Variants in ZNF560 observed in about 807,000 individuals in gnomAD.
ZNF560 encodes zinc finger protein 560.
Under a neutral mutation model 81.8 loss-of-function variants are expected in ZNF560, and 54 were observed. The observed-to-expected ratio is 0.66, with a 90% CI of 0.53 to 0.83. ZNF560 has a LOEUF of 0.83. ZNF560 is among the 40% of genes least tolerant of loss of function. ZNF560 has a pLI of 0.00. For synonymous variants in ZNF560, 321 were observed against 317.9 expected, an observed-to-expected ratio of 1.01 and a Z score of -0.10; for missense variants, 940 against 932.4, an observed-to-expected ratio of 1.01 and a Z score of -0.11.
chr19:9,464,869 A>T (rs1333398474), downstream of ZNF560, among the ~76,000 whole-genome samples: 1 of 152,188 alleles, frequency 6.6e-6, no homozygotes, highest in African/African-American at 2.4e-5. Context: ...CAGGTTTCAG[A>T]GAAGCAATCC....
At position 9,468,804 on chromosome 19, in the gene ZNF560, A is replaced by C. The variant is rs150431365; in HGVS notation, c.612+301T>G. 1.0e-3 allele frequency among the ~76,000 whole-genome samples: 152 copies of C among 145,098 alleles called. 3 individuals carry two copies. In the East Asian group the frequency reaches 0.029, roughly 27 times the overall value. On this transcript the variant is annotated intron_variant, in intron 9 of 9. Transcript: ENST00000301480. ...GTGTGCAGTGGCACGATCTCAGCTCACTGCAACCTCCACCTCCTGGGTTCA... is the reference window on the plus strand; with the variant it reads ...GTGTGCAGTGGCACGATCTCAGCTCCCTGCAACCTCCACCTCCTGGGTTCA...
chr19:9,460,214 T>C, the ZNF560 span, among the ~76,000 whole-genome samples: 92 of 152,270 alleles, frequency 6.0e-4, no homozygotes, highest in South Asian at 1.5e-3. Context: ...TCCAAGTTGA[T>C]GCTGAGGATG....
In ZNF560 at chr19:9,466,827, G is replaced by A. The variant is rs538535192; in HGVS notation, c.2120C>T (p.Thr707Ile). ...MCFHDRLKTL[T>I]KIKPYKCKDC... ...CTTACATTTATAGGGTTTTATTTTG[G>A]TGAGAGTTTTTAAGCGATCATGAAA... The change falls in exon 10 of 10, where the codon ACC becomes ATC. Residue 707 changes from threonine to isoleucine, a missense_variant. By Grantham distance (89) the Thr-to-Ile change is moderately conservative. Coordinates refer to ENST00000301480, the MANE Select transcript of ZNF560 (RefSeq NM_152476.3). 6.2e-7 allele frequency: 1 copy of A among 1,614,128 alleles called. No individual in the cohort carries two copies.
chr19:9,497,661 C>G (rs1474036913), intron 2 of ZNF560, among the ~76,000 whole-genome samples: 1 of 151,776 alleles, frequency 6.6e-6, no homozygotes, highest in African/African-American at 2.4e-5. Flanking sequence ...AAAACAGGTG[C>G]AGCTACAATG....
downstream of ZNF560, among the ~76,000 whole-genome samples, chr19:9,465,719 G>A (rs143883802): frequency 2.1e-3 from 317 of 152,280 alleles, no homozygotes; most frequent in African/African-American, 6.0e-3. Flanking sequence ...TTGGCCAGGC[G>A]CGATGGCTCA....
intron 2 of ZNF560, among the ~76,000 whole-genome samples, chr19:9,491,490 C>T (rs1007173256): frequency 6.6e-6 from 1 of 151,980 alleles, no homozygotes; most frequent in Non-Finnish European, 1.5e-5. Context: ...GGTGTCATTC[C>T]TAGTTAGTGC....
the ZNF560 span, among the ~76,000 whole-genome samples, chr19:9,460,856 T>C: frequency 1.3e-5 from 2 of 152,212 alleles, no homozygotes; most frequent in Non-Finnish European, 2.9e-5. Context: ...TGCTGCATGA[T>C]TCCTATGGAA....
the ZNF560 span, among the ~76,000 whole-genome samples, chr19:9,454,427 G>A: frequency 5.3e-5 from 8 of 152,158 alleles, no homozygotes; most frequent in African/African-American, 7.2e-5. Context: ...AACCCGGGTC[G>A]AAGGGTCGCC....
intron 2 of ZNF560, among the ~76,000 whole-genome samples, chr19:9,486,774 T>C (rs769609640): frequency 1.1e-4 from 16 of 151,250 alleles, no homozygotes; most frequent in Non-Finnish European, 1.6e-4. Flanking sequence ...AAAAAAGAAA[T>C]AATAGTTTCT....
chr19:9,488,201 C>T (rs1032741125), intron 2 of ZNF560, among the ~76,000 whole-genome samples: 2 of 152,196 alleles, frequency 1.3e-5, no homozygotes, highest in Non-Finnish European at 1.5e-5. Context: ...AGCCTGCTTC[C>T]TCTTCTGCCT....
At position 9,467,644 on chromosome 19, in the gene ZNF560, C is replaced by T; in HGVS notation, c.1303G>A (p.Asp435Asn). Reference sequence around the variant, plus strand: ...GAAATAAAGGCTTTCCCACAGTGGTCACATTTAAAGGTTTTCTCTCTGGCG... The same window carrying T: ...GAAATAAAGGCTTTCCCACAGTGGTTACATTTAAAGGTTTTCTCTCTGGCG... The part of the protein sequence containing the change: ...CHAREKTFKC[D>N]HCGKAFISYP... Residue 435 changes from aspartate (D) to asparagine (N), a missense_variant, in exon 10 of 10, where the codon GAC becomes AAC. By Grantham distance (23) the Asp-to-Asn change is conservative (BLOSUM62 1). Transcript: ENST00000301480. 6.2e-7 allele frequency: 1 copy of T among 1,613,982 alleles called. No individual in the cohort carries two copies. The highest frequency in any genetic ancestry group is 1.1e-5 in the South Asian group (1 of 91,062).
rs138669940 is a variant in ZNF560 at position 9,485,128 on chromosome 19, C to T, written c.-56-9759G>A. ...TCTCCCATCAAACACACACCTAGGA[C>T]TTGACTGCTTCATGGCTGAATTATA... On this transcript the variant is annotated intron_variant, in intron 2 of 9. Coordinates refer to ENST00000301480, the MANE Select transcript of ZNF560 (RefSeq NM_152476.3). Among the ~76,000 whole-genome samples, 319 of 152,294 alleles carry T rather than the reference C, an allele frequency of 2.1e-3. 2 individuals carry two copies. Among genetic ancestry groups the T allele is most frequent in the African/African-American group, 7.3e-3 (304 of 41,582 alleles).
chr19:9,462,909 C>T (rs1487847218), downstream of ZNF560, among the ~76,000 whole-genome samples: 3 of 152,118 alleles, frequency 2.0e-5, no homozygotes, highest in African/African-American at 4.8e-5. Flanking sequence ...AATTCTTAAG[C>T]CATTCATGGG....
In ZNF560 at chr19:9,498,601, A is replaced by C. The variant is rs780489545; in HGVS notation, c.-208T>G. ...GGCTCTGAGGAAACAGGCGCCAGCG[A>C]CCAAAAGAGAGAACTGGCGCGCCGC... On this transcript the variant is annotated 5_prime_UTR_variant, in exon 1 of 10. Transcript: ENST00000301480. 5.3e-5 allele frequency: 8 copies of C among 152,324 alleles called. No homozygotes were observed. Among genetic ancestry groups the C allele is most frequent in the Non-Finnish European group, 1.5e-5 (1 of 68,116 alleles). The allele number at this position is 152,324 out of a possible 1,614,324, so 9.4% of individuals were successfully genotyped here.
chr19:9,448,395 C>CTTTTTT, the ZNF560 span, among the ~76,000 whole-genome samples: 475 of 89,784 alleles, frequency 5.3e-3, 47 homozygotes, highest in African/African-American at 0.023. Flanking sequence ...CCATGCCTGG[C>CTTTTTT]TTTTTTTTTT....
intron 2 of ZNF560, among the ~76,000 whole-genome samples, chr19:9,490,990 T>A (rs1236636287): frequency 6.6e-6 from 1 of 152,162 alleles, no homozygotes; most frequent in East Asian, 1.9e-4. Context: ...CAACACTCCA[T>A]CACATTGAAA....
the ZNF560 span, among the ~76,000 whole-genome samples, chr19:9,450,793 G>C: frequency 6.6e-6 from 1 of 152,100 alleles, no homozygotes; most frequent in African/African-American, 2.4e-5. Context: ...GCCTCCCAAA[G>C]TGCTGGGATT....
upstream of ZNF560, among the ~76,000 whole-genome samples, chr19:9,501,450 C>G (rs2073632780): frequency 1.3e-5 from 2 of 149,290 alleles, no homozygotes; most frequent in Non-Finnish European, 3.0e-5. Flanking sequence ...CCTCCGCCTC[C>G]CGGGTTCAAG....
intron 2 of ZNF560, among the ~76,000 whole-genome samples, chr19:9,495,476 T>G (rs985861644): frequency 1.3e-5 from 2 of 152,150 alleles, no homozygotes; most frequent in Non-Finnish European, 2.9e-5. Flanking sequence ...GAGGCCAAGG[T>G]GGGCCAATCA....
Sources: allele counts gnomAD v4.1 joint callset (sites outside exome capture counted in the v4.1 genomes callset), GRCh38; gene constraint gnomAD v4.1.1; transcripts MANE v1.5; gene names NCBI Gene and HGNC (gene_info 2026-07-23, HGNC 2026-07-21).